The following ABI3BP variants were observed in gnomAD, a reference collection of about 807,000 sequenced individuals.
ABI3BP encodes target of Nesh-SH3.
ABI3BP carries 216 observed loss-of-function variants against 268.6 expected under a neutral mutation model. The observed-to-expected ratio is 0.80, with a 90% CI of 0.72 to 0.90. The LOEUF (loss-of-function observed/expected upper bound fraction) is 0.90. Among genes scored for constraint, ABI3BP ranks in the 40% least tolerant of loss-of-function variants. The pLI, the probability that ABI3BP is intolerant of heterozygous loss-of-function variation, is 0.00. For missense variants in ABI3BP, 2,090 were observed against 2,182.4 expected (o/e 0.96, Z 0.84); for synonymous variants, 730 against 730.0 (o/e 1.00, Z 0.00).
intron 65 of ABI3BP, 55 bp downstream of exon 65, chr3:100,753,764 A>G: frequency 6.3e-7 from 1 of 1,582,524 alleles, no homozygotes; most frequent in East Asian, 2.3e-5. Context: ...ATGCCTGTTC[A>G]GTTGAATAAA....
intron 1 of ABI3BP, among the ~76,000 whole-genome samples, chr3:100,934,690 T>G (rs1035396448): frequency 6.6e-6 from 1 of 152,200 alleles, no homozygotes; most frequent in Non-Finnish European, 1.5e-5. Flanking sequence ...TGGCATGAGA[T>G]GGTATCTCAT....
chr3:100,762,441 T>C (rs902855134), intron 63 of ABI3BP, among the ~76,000 whole-genome samples: 3 of 152,212 alleles, frequency 2.0e-5, no homozygotes, highest in African/African-American at 7.2e-5. Context: ...CCTTCCATCC[T>C]ATTCTTTATC....
intron 9 of ABI3BP, among the ~76,000 whole-genome samples, chr3:100,871,923 A>T (rs2099113928): frequency 6.6e-6 from 1 of 152,206 alleles, no homozygotes; most frequent in African/African-American, 2.4e-5. Context: ...TGAAACCTCA[A>T]ACTCATGGGT....
At chr3:100,908,845 T>C (rs991637581) in intron 2 of ABI3BP, among the ~76,000 whole-genome samples, 21 of 152,336 alleles carry the variant, frequency 1.4e-4, no homozygotes, top group Middle Eastern at 6.8e-3. Context: ...AAGTAATTTA[T>C]AGGTTCAATG....
In ABI3BP at chr3:100,913,052, T is replaced by A. The variant is rs539241942; in HGVS notation, c.260-10366A>T. Among the ~76,000 whole-genome samples the A allele has an allele frequency of 3.3e-5, 5 of 151,998 alleles. No homozygotes were observed. The South Asian group carries it at 8.3e-4, about 25-fold the overall frequency. On this transcript the variant is annotated intron_variant, in intron 2 of 67. Transcript: ENST00000471714. ...GTGGGGAGCTGGAATGTAAAAAGAG[T>A]AGAATGCTGTTGTCTCCTCACTTAT...
intron 2 of ABI3BP, among the ~76,000 whole-genome samples, chr3:100,905,115 C>G (rs1174863514): frequency 2.0e-5 from 3 of 152,132 alleles, no homozygotes; most frequent in Admixed American, 2.0e-4. Context: ...TTTGTAGGGA[C>G]ATGGATGAAG....
In ABI3BP at chr3:100,990,299, CTCA is replaced by C. The variant is rs769142196; in HGVS notation, c.79+3004_79+3006del. 2.6e-5 allele frequency among the ~76,000 whole-genome samples: 4 copies of C among 152,126 alleles called. No individual in the cohort carries two copies. In the South Asian group the frequency reaches 8.3e-4, roughly 32 times the overall value. On this transcript the variant is annotated intron_variant, in intron 1 of 67. Transcript: ENST00000471714. ...TATGTGCCAGACTTGTGTCTCTTAT[CTCA>C]TTTAATCCTAAAATACTATGAGATA...
At chr3:100,842,094 A>G in intron 20 of ABI3BP, 55 bp from the exon 21 acceptor site, 1 of 1,384,794 alleles carries the variant, frequency 7.2e-7, no homozygotes. Context: ...CATCTGAGAT[A>G]GAAGTGACAT....
intron 63 of ABI3BP, among the ~76,000 whole-genome samples, chr3:100,755,623 C>A (rs1317127491): frequency 6.6e-6 from 1 of 152,202 alleles, no homozygotes; most frequent in Non-Finnish European, 1.5e-5. Context: ...AAGAATTATT[C>A]TTCAAATTAT....
chr3:100,761,189 G>T (rs972407954), intron 63 of ABI3BP, among the ~76,000 whole-genome samples: 26 of 152,210 alleles, frequency 1.7e-4, no homozygotes, highest in African/African-American at 6.3e-4. Flanking sequence ...ATACTGGGGA[G>T]GGTAGATGAG....
At chr3:100,907,990 C>T (rs913365982) in intron 2 of ABI3BP, among the ~76,000 whole-genome samples, 5 of 151,814 alleles carry the variant, frequency 3.3e-5, no homozygotes, top group Non-Finnish European at 7.4e-5. Context: ...GTGGTGGGTG[C>T]CTGTTGTCCC....
At chr3:100,847,739 G>A (rs2152999235) in intron 18 of ABI3BP, 66 bp from the exon 19 acceptor site, 1 of 1,289,952 alleles carries the variant, frequency 7.8e-7, no homozygotes, top group Non-Finnish European at 1.1e-6. Context: ...CCTCTAAAGA[G>A]GAACTAAATG....
intron 1 of ABI3BP, among the ~76,000 whole-genome samples, chr3:100,978,656 G>C (rs10511180): frequency 0.16 from 24,022 of 152,150 alleles, 2,011 homozygotes; most frequent in Middle Eastern, 0.23. Context: ...CACTCTATCA[G>C]CTAAATTTTT....
chr3:100,873,250 A>T (rs144584571), intron 9 of ABI3BP, among the ~76,000 whole-genome samples: 1 of 152,186 alleles, frequency 6.6e-6, no homozygotes, highest in Non-Finnish European at 1.5e-5. Context: ...AGAGATAGCA[A>T]TTTCTTTTCA....
At chr3:100,777,312 TGCTGAAATTTGCTG>T (rs1336865456) in intron 59 of ABI3BP, among the ~76,000 whole-genome samples, 1 of 152,220 alleles carries the variant, frequency 6.6e-6, no homozygotes, top group African/African-American at 2.4e-5. Flanking sequence ...ATGGGGAACA[TGCTGAAATTTGCTG>T]GCATGTCCTG....
At position 100,874,919 on chromosome 3, in the gene ABI3BP, G is replaced by GA; in HGVS notation, c.831dup (p.Pro278SerfsTer4). On this transcript the variant is annotated frameshift_variant, in exon 9 of 68. Transcript: ENST00000471714. LOFTEE classifies it high-confidence loss of function. The stretch of plus-strand genomic sequence containing the variant: ...TTTACAGTAGTTTCATTAAGACCTG[G>GA]AATAATAAGGTGGACTGCAAGGAAA... The GA allele has an allele frequency of 4.4e-6, 7 of 1,589,342 alleles. No homozygotes were observed. Among genetic ancestry groups the GA allele is most frequent in the Non-Finnish European group, 5.2e-6 (6 of 1,164,078 alleles).
Position 100,851,943 on chromosome 3 carries a change from T to TTAA in ABI3BP, c.1286-4_1286-3insTTA. ...GCTTGAGAAAACATCATAAGTTGCTTAAAAAAAAAAAAAAGGCAAAACAAG... is the reference window on the plus strand; with the variant it reads ...GCTTGAGAAAACATCATAAGTTGCTTTAAAAAAAAAAAAAAAAGGCAAAACAAG... On this transcript the variant is annotated splice_polypyrimidine_tract_variant and splice_region_variant and intron_variant, in intron 14 of 67. Coordinates refer to ENST00000471714, the MANE Select transcript of ABI3BP (RefSeq NM_001375547.2). 7.2e-7 allele frequency: 1 copy of TTAA among 1,391,364 alleles called. No individual in the cohort carries two copies. The allele number at this position is 1,391,364 out of a possible 1,614,324, so 86.2% of individuals were successfully genotyped here.
intron 58 of ABI3BP, among the ~76,000 whole-genome samples, chr3:100,778,866 T>C (rs1399444521): frequency 9.2e-5 from 14 of 152,228 alleles, no homozygotes; most frequent in Non-Finnish European, 1.5e-5. Context: ...CCTCAGATTT[T>C]AGTATCTGAG....
chr3:100,862,927 A>G lies in ABI3BP; in HGVS notation c.1139-18T>C, dbSNP rs2153173724. On this transcript the variant is annotated intron_variant, in intron 12 of 67. Coordinates refer to ENST00000471714, the MANE Select transcript of ABI3BP (RefSeq NM_001375547.2). ...TTTTGGAGCTGTAATGAAACACATA[A>G]AGAAAGTTACGACCTGAGGTGAAAG... is the stretch of plus-strand genomic sequence containing the variant. 2 of 1,524,946 alleles carry G rather than the reference A, an allele frequency of 1.3e-6. No homozygotes were observed. Among genetic ancestry groups the G allele is most frequent in the East Asian group, 4.9e-5 (2 of 40,770 alleles). 94.5% of individuals were successfully genotyped at this position (1,524,946 alleles called of 1,614,324 possible). A position where few individuals can be genotyped will look rare whatever the true frequency, so the allele number is the denominator to read the frequency against.
Sources: gnomAD v4.1 joint callset for allele counts (sites outside exome capture counted in the v4.1 genomes callset) on GRCh38, gnomAD v4.1.1 for gene constraint, MANE v1.5 for transcripts, NCBI Gene and HGNC (gene_info 2026-07-23, HGNC 2026-07-21) for gene names.